The following CLUAP1 variants were observed in gnomAD, a reference collection of about 807,000 sequenced individuals.
CLUAP1 encodes clusterin-associated protein 1.
In CLUAP1, 50 loss-of-function variants were observed where a neutral mutation model predicts 55.0. The ratio of observed to expected loss-of-function variants is 0.91; its 90% CI spans 0.72 to 1.15. The LOEUF (loss-of-function observed/expected upper bound fraction) is 1.15, where lower values mean the gene tolerates loss of function less well. Ranked by LOEUF, CLUAP1 falls within the 50% of genes most tolerant of loss-of-function variation. CLUAP1 has a pLI of 0.00. For missense variants in CLUAP1, 530 were observed against 507.6 expected (o/e 1.04, Z -0.42); for synonymous variants, 195 against 175.4 (o/e 1.11, Z -0.88).
At chr16:3,502,457 AAAAGG>A (rs1422848212) in intron 1 of CLUAP1, among the ~76,000 whole-genome samples, 8 of 151,922 alleles carry the variant, frequency 5.3e-5, no homozygotes, top group African/African-American at 1.9e-4. Context: ...AAAAAAAAAA[AAAAGG>A]AAAGGTAGAT....
chr16:3,501,516 C>T (rs1325537537), intron 1 of CLUAP1, among the ~76,000 whole-genome samples: 2 of 152,194 alleles, frequency 1.3e-5, no homozygotes, highest in Non-Finnish European at 2.9e-5. Context: ...GGCGCGGTGG[C>T]TCACGCCCGT....
chr16:3,527,667 G>T (rs1244847904), intron 9 of CLUAP1, among the ~76,000 whole-genome samples: 1 of 152,164 alleles, frequency 6.6e-6, no homozygotes, highest in African/African-American at 2.4e-5. Flanking sequence ...CTGTGCTTCA[G>T]TGGTCATGCT....
chr16:3,516,729 G>A (rs8050168), intron 6 of CLUAP1, among the ~76,000 whole-genome samples: 5,489 of 152,140 alleles, frequency 0.036, 274 homozygotes, highest in African/African-American at 0.11. Flanking sequence ...ATACATACAC[G>A]TAGAGACACC....
chr16:3,504,084 C>A (rs757516740), intron 1 of CLUAP1, among the ~76,000 whole-genome samples: 1 of 152,148 alleles, frequency 6.6e-6, no homozygotes, highest in Non-Finnish European at 1.5e-5. Flanking sequence ...GTGACCCCAA[C>A]CTATGGATCA....
Position 3,508,306 on chromosome 16 carries a change from A to G in CLUAP1, c.237A>G (p.Ile79Met). ...IAQFMATKAH[I>M]KLNTKKLYQA... is the part of the protein sequence containing the mutation. ...AAAAATAGGCCACCAAGGCACATATAAAACTCAACACTAAGAAGCTTTATC... is the reference window on the plus strand; with the variant it reads ...AAAAATAGGCCACCAAGGCACATATGAAACTCAACACTAAGAAGCTTTATC... Residue 79 changes from isoleucine to methionine, a missense_variant, in exon 4 of 12, where the codon ATA becomes ATG. Transcript: ENST00000576634. The G allele has an allele frequency of 6.2e-7, 1 of 1,600,746 alleles. No individual in the cohort carries two copies. Among genetic ancestry groups the G allele is most frequent in the Non-Finnish European group, 8.5e-7 (1 of 1,176,652 alleles).
chr16:3,520,444 C>T (rs1033936465), intron 7 of CLUAP1, among the ~76,000 whole-genome samples: 2 of 152,032 alleles, frequency 1.3e-5, no homozygotes, highest in African/African-American at 2.4e-5. Context: ...GTGATCTTAA[C>T]TCTTCTCAAG....
intron 10 of CLUAP1, among the ~76,000 whole-genome samples, chr16:3,530,962 T>G (rs893980340): frequency 6.6e-6 from 1 of 152,186 alleles, no homozygotes; most frequent in African/African-American, 2.4e-5. Flanking sequence ...CTCAGTGCAG[T>G]GATATACTTA....
intron 7 of CLUAP1, among the ~76,000 whole-genome samples, chr16:3,521,746 A>T (rs943015103): frequency 1.3e-5 from 2 of 150,586 alleles, no homozygotes; most frequent in Admixed American, 6.6e-5. Flanking sequence ...TTTTTAAAAA[A>T]TTTTTTATCG....
At chr16:3,535,900 G>C (rs1469594883) in intron 11 of CLUAP1, 6 of 557,868 alleles carry the variant, frequency 1.1e-5, no homozygotes, top group Non-Finnish European at 1.9e-5. Flanking sequence ...ACCACACCCA[G>C]ATGCACCTGC....
At chr16:3,532,951 C>G in intron 11 of CLUAP1, 110 bp downstream of exon 11, 1 of 1,427,002 alleles carries the variant, frequency 7.0e-7, no homozygotes, top group East Asian at 2.3e-5. Context: ...TATGGTCAGC[C>G]CGGCCGTGCC....
intron 11 of CLUAP1, chr16:3,535,863 C>T (rs779556232): frequency 3.0e-5 from 14 of 469,072 alleles, no homozygotes; most frequent in East Asian, 3.8e-5. Flanking sequence ...GCTTCTTAGA[C>T]GCTGCGGGAA....
upstream of CLUAP1, chr16:3,496,882 T>A (rs2037319644): frequency 6.6e-6 from 2 of 304,020 alleles, no homozygotes; most frequent in Admixed American, 8.3e-5. Flanking sequence ...TCTTTTTTTT[T>A]TTTTTTAAGA....
intron 9 of CLUAP1, among the ~76,000 whole-genome samples, chr16:3,529,547 T>TA (rs1567439472): frequency 0.059 from 3,206 of 54,790 alleles, 203 homozygotes; most frequent in East Asian, 0.13. Context: ...TATATTATTA[T>TA]ATATTATATA....
intron 4 of CLUAP1, among the ~76,000 whole-genome samples, chr16:3,510,855 G>A (rs1368193143): frequency 2.0e-5 from 3 of 152,214 alleles, no homozygotes; most frequent in Admixed American, 6.5e-5. Flanking sequence ...TTGCCACGCC[G>A]ATTGGCTGTC....
At chr16:3,529,829 T>TATA (rs2038075215) in intron 9 of CLUAP1, among the ~76,000 whole-genome samples, 3 of 49,358 alleles carry the variant, frequency 6.1e-5, no homozygotes, top group East Asian at 5.4e-4. Context: ...TATAATATAT[T>TATA]ATATAATATA....
rs2038051700 is a variant in CLUAP1 at position 3,529,674 on chromosome 16, ATATTAT to A, written c.929-893_929-888del. Reference sequence around the variant, plus strand: ...ATTATTATATATTATATATTATTATATATTATATATTATTATATATTATATATTATA... The same window carrying A: ...ATTATTATATATTATATATTATTATAATATTATTATATATTATATATTATA... On this transcript the variant is annotated intron_variant, in intron 9 of 11. Coordinates refer to ENST00000576634, the MANE Select transcript of CLUAP1 (RefSeq NM_015041.3). Among the ~76,000 whole-genome samples the A allele has an allele frequency of 1.2e-4, 2 of 16,798 alleles. 1 individual carries two copies. The highest frequency in any genetic ancestry group is 9.1e-4 in the African/African-American group (2 of 2,198). 11.0% of individuals were successfully genotyped at this position (16,798 alleles called of 152,430 possible). A position where few individuals can be genotyped will look rare whatever the true frequency, so the allele number is the denominator to read the frequency against.
At chr16:3,514,205 T>G (rs1347532740) in intron 5 of CLUAP1, among the ~76,000 whole-genome samples, 2 of 152,164 alleles carry the variant, frequency 1.3e-5, no homozygotes, top group African/African-American at 4.8e-5. Context: ...GTGGCATCAT[T>G]GTGAGACTTC....
chr16:3,504,918 T>C, intron 2 of CLUAP1, 87 bp downstream of exon 2: 4 of 846,144 alleles, frequency 4.7e-6, no homozygotes. Context: ...GCTGTGATGC[T>C]GCAAAAGGGA....
Position 3,536,383 on chromosome 16 carries a change from A to C in CLUAP1, c.*112A>C. On this transcript the variant is annotated 3_prime_UTR_variant, in exon 12 of 12. Coordinates refer to ENST00000576634, the MANE Select transcript of CLUAP1 (RefSeq NM_015041.3). ...TTTGTTTACTAAGCTGGCTGGACTC[A>C]TGATCACTGAAGCAATACTTATTTC... 1 of 1,118,404 alleles carries C rather than the reference A, an allele frequency of 8.9e-7. No homozygotes were observed. The allele number at this position is 1,118,404 out of a possible 1,614,324, so 69.3% of individuals were successfully genotyped here.
Sources: allele counts gnomAD v4.1 joint callset (sites outside exome capture counted in the v4.1 genomes callset), GRCh38; gene constraint gnomAD v4.1.1; transcripts MANE v1.5; gene names NCBI Gene and HGNC (gene_info 2026-07-23, HGNC 2026-07-21).